HOOK2: variants seen among roughly 807,000 people sequenced by gnomAD.
HOOK2 encodes the protein hook microtubule tethering protein 2.
HOOK2 carries 108 observed loss-of-function variants against 111.9 expected under a neutral mutation model. The observed-to-expected ratio is 0.96, with a 90% CI of 0.83 to 1.13. HOOK2 has a LOEUF of 1.13. Among genes scored for constraint, HOOK2 ranks in the 50% most tolerant of loss-of-function variants. The pLI is 0.00. For synonymous variants in HOOK2, 405 were observed against 394.3 expected, an observed-to-expected ratio of 1.03 and a Z score of -0.32; for missense variants, 978 against 951.3, an observed-to-expected ratio of 1.03 and a Z score of -0.37.
At chr19:12,792,206 T>C (rs777967613) in intron 3 of HOOK2, 82 of 1,567,832 alleles carry the variant, frequency 5.2e-5, no homozygotes, top group Non-Finnish European at 6.9e-5. Context: ...CCCTGGACGA[T>C]CTGCACAAGA....
At chr19:12,773,163 G>A (rs758791993) in intron 3 of HOOK2, 119 bp from the exon 4 acceptor site, 79 of 975,958 alleles carry the variant, frequency 8.1e-5, no homozygotes, top group Admixed American at 1.3e-4. Flanking sequence ...TTCTGTCTGC[G>A]TGCGCCTTCC....
Position 12,770,074 on chromosome 19 carries a change from G to C in HOOK2, c.911C>G (p.Ser304Trp), listed in dbSNP as rs560961468. The C allele has an allele frequency of 2.0e-6, 3 of 1,516,388 alleles. No homozygotes were observed. The highest frequency in any genetic ancestry group is 2.6e-6 in the Non-Finnish European group (3 of 1,135,442). 93.9% of individuals were successfully genotyped at this position (1,516,388 alleles called of 1,614,324 possible). The part of the protein sequence containing the change: ...KDEMDELRQS[S>W]ERAGQLEATL... The stretch of plus-strand genomic sequence containing the variant: ...GGCCTCCAGCTGCCCAGCACGCTCC[G>C]AAGACTGCCTAGGGGAGTGGGAGGG... The change falls in exon 11 of 23, where the codon TCG (serine) becomes TGG (tryptophan). Residue 304 changes from serine (S) to tryptophan (W), a missense_variant. Around this residue, in one of 5 missense-constraint regions of HOOK2, gnomAD observed 388 missense variants for 358.3 expected, o/e 1.08. Coordinates refer to ENST00000397668, the MANE Select transcript of HOOK2 (RefSeq NM_013312.3).
rs1360892005 is a variant in HOOK2 at position 12,764,896 on chromosome 19, A to G, written c.1745T>C (p.Leu582Pro). The G allele has an allele frequency of 6.2e-7, 1 of 1,614,026 alleles. No individual in the cohort carries two copies. Among genetic ancestry groups the G allele is most frequent in the African/African-American group, 1.3e-5 (1 of 74,924 alleles). ...GTCCTTCTTCTGCAAGTTATGCTGC[A>G]GCTCCTCGATCCGCCGGGCTGCTGG... ...DSSTARRIEE[L>P]QHNLQKKDAD... The change falls in exon 20 of 23, where the codon CTG (leucine) becomes CCG (proline). Residue 582 changes from leucine (L) to proline (P), a missense_variant. By Grantham distance (98) the Leu-to-Pro change is moderately conservative. Around this residue, in one of 5 missense-constraint regions of HOOK2, gnomAD observed 277 missense variants for 265.8 expected, o/e 1.04. Transcript: ENST00000397668.
intron 6 of HOOK2, 138 bp from the exon 7 acceptor site, chr19:12,772,390 C>A: frequency 9.3e-7 from 1 of 1,080,962 alleles, no homozygotes. Flanking sequence ...AGAGGCTGCC[C>A]TCCTGCCTCC....
At chr19:12,788,040 G>A (rs1968673306) in intron 3 of HOOK2, among the ~76,000 whole-genome samples, 1 of 152,170 alleles carries the variant, frequency 6.6e-6, no homozygotes, top group South Asian at 2.1e-4. Context: ...GGGCGACAGA[G>A]CAAGACTCCA....
At position 12,769,919 on chromosome 19, in the gene HOOK2, C is replaced by CCGCT; in HGVS notation, c.1062_1065dup (p.Gly356SerfsTer35). 1 of 1,535,532 alleles carries CCGCT rather than the reference C, an allele frequency of 6.5e-7. No homozygotes were observed. Among genetic ancestry groups the CCGCT allele is most frequent in the Non-Finnish European group, 8.7e-7 (1 of 1,149,806 alleles). ...GCCTCCAGCTGGGCGCGCAGGGAGC[C>CCGCT]CGCTCGGCGTAGCTCATCCTCCAGT... On this transcript the variant is annotated frameshift_variant, in exon 11 of 23. Coordinates refer to ENST00000397668, the MANE Select transcript of HOOK2 (RefSeq NM_013312.3). LOFTEE classifies it high-confidence loss of function.
At chr19:12,765,182 A>T in intron 18 of HOOK2, 101 bp from the exon 19 acceptor site, 1 of 1,137,058 alleles carries the variant, frequency 8.8e-7, no homozygotes, top group African/African-American at 1.5e-5. Context: ...AAATGCCCCT[A>T]CATGGCCACA....
At chr19:12,770,132 C>A in intron 10 of HOOK2, 50 bp from the exon 11 acceptor site, 1 of 1,419,346 alleles carries the variant, frequency 7.0e-7, no homozygotes, top group South Asian at 1.4e-5. Context: ...GATCAGGGGT[C>A]AGCTGGGATG....
Position 12,765,700 on chromosome 19 carries a change from C to T in HOOK2, c.1630G>A (p.Glu544Lys). The T allele has an allele frequency of 6.2e-7, 1 of 1,614,200 alleles. No homozygotes were observed. The highest frequency in any genetic ancestry group is 1.1e-5 in the South Asian group (1 of 91,082). The change falls in exon 18 of 23, where the codon GAG becomes AAG. Residue 544 changes from glutamate to lysine, a missense_variant. Transcript: ENST00000397668. ...CTTTCTGCGACTTACAAATGTTCCT[C>T]CAGCTTCCTTTTCAGCAAAATGGAC... Reference protein sequence around the residue: ...AISILLKRKLEEHLQKLHEAD... With the variant: ...AISILLKRKLKEHLQKLHEAD...
At chr19:12,767,046 A>G (rs941766408) in intron 14 of HOOK2, among the ~76,000 whole-genome samples, 1 of 152,178 alleles carries the variant, frequency 6.6e-6, no homozygotes, top group Non-Finnish European at 1.5e-5. Flanking sequence ...GGGAGAGTTA[A>G]TCCCGGCAGG....
At chr19:12,779,057 C>T (rs1223227478), upstream of HOOK2, among the ~76,000 whole-genome samples, 1 of 152,162 alleles carries the variant, frequency 6.6e-6, no homozygotes, top group Non-Finnish European at 1.5e-5. Context: ...AGAGAGCCCC[C>T]AACGTTTTGG....
rs780543536 is a variant in HOOK2 at position 12,763,276 on chromosome 19, G to A, written c.*6C>T. Reference sequence around the variant, plus strand: ...GGAGCCCAGGCTGGCTTGATTGTGAGGTCTGTCAGTGCTTGTCAGTGGGGC... The same window carrying A: ...GGAGCCCAGGCTGGCTTGATTGTGAAGTCTGTCAGTGCTTGTCAGTGGGGC... On this transcript the variant is annotated 3_prime_UTR_variant, in exon 23 of 23. Transcript: ENST00000397668. 1.2e-6 allele frequency: 2 copies of A among 1,611,356 alleles called. No homozygotes were observed. Among genetic ancestry groups the A allele is most frequent in the Non-Finnish European group, 1.7e-6 (2 of 1,178,446 alleles).
At chr19:12,788,280 T>C (rs1250984967) in intron 3 of HOOK2, among the ~76,000 whole-genome samples, 2 of 152,172 alleles carry the variant, frequency 1.3e-5, no homozygotes, top group Admixed American at 1.3e-4. Context: ...TTCTCATCTG[T>C]TACATGGGGA....
Position 12,772,917 on chromosome 19 carries a change from G to A in HOOK2, c.256-5C>T. On this transcript the variant is annotated splice_region_variant and splice_polypyrimidine_tract_variant and intron_variant, in intron 4 of 22. Transcript: ENST00000397668. The stretch of plus-strand genomic sequence containing the variant: ...TGACACAGGATGCGCCAGGACCTGG[G>A]GAGAAGGGGGTGTCAGGGGCTCATG... The A allele has an allele frequency of 1.2e-6, 2 of 1,614,196 alleles. No homozygotes were observed. The highest frequency in any genetic ancestry group is 1.1e-5 in the South Asian group (1 of 91,090).
upstream of HOOK2, among the ~76,000 whole-genome samples, chr19:12,781,420 G>A (rs949184284): frequency 6.6e-6 from 1 of 150,842 alleles, no homozygotes; most frequent in East Asian, 2.0e-4. Context: ...TCCGCCTCCC[G>A]GGTTCACGCC....
At chr19:12,767,259 G>A (rs1599479375) in intron 14 of HOOK2, 136 bp downstream of exon 14, 8 of 689,278 alleles carry the variant, frequency 1.2e-5, no homozygotes, top group Non-Finnish European at 2.0e-5. Flanking sequence ...GAGTAAGTGG[G>A]CCTAGGAGCC....
intron 14 of HOOK2, 122 bp from the exon 15 acceptor site, chr19:12,766,362 G>A: frequency 1.6e-6 from 2 of 1,264,126 alleles, no homozygotes; most frequent in Admixed American, 3.0e-5. Flanking sequence ...CCAGACCATG[G>A]GGTTGGAGCA....
Position 12,775,528 on chromosome 19 carries a change from G to T in HOOK2, c.-79C>A. 6.7e-7 allele frequency: 1 copy of T among 1,499,738 alleles called. No individual in the cohort carries two copies. The highest frequency in any genetic ancestry group is 9.0e-7 in the Non-Finnish European group (1 of 1,116,716). The allele number at this position is 1,499,738 out of a possible 1,614,324, so 92.9% of individuals were successfully genotyped here. The stretch of plus-strand genomic sequence containing the variant: ...CCGGGTCCGCCACCAGCGAGCGCCC[G>T]CAGCCCCGACCTCCCGCTCGGCCTA... On this transcript the variant is annotated 5_prime_UTR_variant, in exon 1 of 23. Transcript: ENST00000397668.
intron 3 of HOOK2, among the ~76,000 whole-genome samples, chr19:12,783,860 C>T (rs1968630641): frequency 6.6e-6 from 1 of 152,182 alleles, no homozygotes; most frequent in Non-Finnish European, 1.5e-5. Flanking sequence ...ATGCCCCACC[C>T]AGACACTCTA....
Sources: allele counts gnomAD v4.1 joint callset (sites outside exome capture counted in the v4.1 genomes callset), GRCh38; gene constraint gnomAD v4.1.1; regional missense constraint gnomAD v4.1.1; transcripts MANE v1.5; gene names NCBI Gene and HGNC (gene_info 2026-07-23, HGNC 2026-07-21).